MDGA2: variants seen among roughly 807,000 people sequenced by gnomAD.
MDGA2 encodes the protein MAM domain containing glycosylphosphatidylinositol anchor 2.
Under a neutral mutation model 117.8 loss-of-function variants are expected in MDGA2, and 40 were observed. The observed-to-expected ratio is 0.34, with a 90% CI of 0.26 to 0.44. The LOEUF is 0.44. Ranked by LOEUF, MDGA2 falls within the 20% of genes least tolerant of loss-of-function variation. The pLI, the probability that MDGA2 is intolerant of heterozygous loss-of-function variation, is 1.00. For synonymous variants in MDGA2, 452 were observed against 439.0 expected (o/e 1.03, Z -0.37); for missense variants, 1,123 against 1,250.6 (o/e 0.90, Z 1.54).
intron 1 of MDGA2, among the ~76,000 whole-genome samples, chr14:47,380,524 T>C (rs901147333): frequency 4.6e-5 from 7 of 151,458 alleles, no homozygotes; most frequent in Non-Finnish European, 5.9e-5. Context: ...TAAAAAAGGA[T>C]AAAGGGGATA....
chr14:46,974,185 CAT>C (rs1406037842), intron 8 of MDGA2, among the ~76,000 whole-genome samples: 1 of 152,024 alleles, frequency 6.6e-6, no homozygotes, highest in Non-Finnish European at 1.5e-5. Context: ...AATTAAAGGA[CAT>C]GTGCAATGGA....
intron 8 of MDGA2, among the ~76,000 whole-genome samples, chr14:47,008,406 A>C (rs1959821): frequency 0.96 from 145,433 of 151,950 alleles, 69,639 homozygotes; most frequent in African/African-American, 0.99. Context: ...ATCTGGCATA[A>C]GGCAGTAAGT....
At chr14:47,150,748 ACCTTGT>A (rs1883128670) in intron 3 of MDGA2, among the ~76,000 whole-genome samples, 2 of 152,034 alleles carry the variant, frequency 1.3e-5, no homozygotes, top group African/African-American at 2.4e-5. Context: ...ACATGGTGAA[ACCTTGT>A]CTCTACTAAA....
intron 1 of MDGA2, among the ~76,000 whole-genome samples, chr14:47,526,736 A>T (rs1894980817): frequency 6.6e-6 from 1 of 152,098 alleles, no homozygotes; most frequent in African/African-American, 2.4e-5. Context: ...GTCCTGATTT[A>T]CTTGGCAGCC....
At chr14:47,008,511 T>A (rs1044697574) in intron 8 of MDGA2, among the ~76,000 whole-genome samples, 1 of 151,926 alleles carries the variant, frequency 6.6e-6, no homozygotes, top group Admixed American at 6.6e-5. Flanking sequence ...AAGCATGATA[T>A]ATTTTACATT....
intron 2 of MDGA2, among the ~76,000 whole-genome samples, chr14:47,242,915 G>T (rs547906596): frequency 8.4e-4 from 128 of 151,958 alleles, no homozygotes; most frequent in African/African-American, 3.0e-3. Flanking sequence ...CCTGAGTCTG[G>T]TGGGGACGTG....
At chr14:46,868,354 T>G (rs1463507394) in intron 14 of MDGA2, among the ~76,000 whole-genome samples, 8 of 151,886 alleles carry the variant, frequency 5.3e-5, no homozygotes, top group African/African-American at 1.9e-4. Flanking sequence ...GGGGAGTACT[T>G]GAATATTTAC....
chr14:46,981,671 C>A (rs552699912), intron 8 of MDGA2, among the ~76,000 whole-genome samples: 1 of 152,106 alleles, frequency 6.6e-6, no homozygotes, highest in Non-Finnish European at 1.5e-5. Context: ...ACAAGAAGAG[C>A]GCATCACTGT....
chr14:47,570,931 C>T (rs559881851), intron 1 of MDGA2, among the ~76,000 whole-genome samples: 3 of 152,094 alleles, frequency 2.0e-5, no homozygotes, highest in African/African-American at 7.2e-5. Context: ...ACAGAGCTTC[C>T]GCACAGCAAA....
intron 8 of MDGA2, among the ~76,000 whole-genome samples, chr14:46,975,399 A>T (rs1886417319): frequency 6.6e-6 from 1 of 152,138 alleles, no homozygotes; most frequent in Non-Finnish European, 1.5e-5. Flanking sequence ...AGCCAGGTTC[A>T]TATCGGCATT....
chr14:47,450,722 A>G (rs1893224491), intron 1 of MDGA2, among the ~76,000 whole-genome samples: 2 of 152,064 alleles, frequency 1.3e-5, no homozygotes, highest in Admixed American at 6.6e-5. Context: ...GTATTAGTTA[A>G]TATGAATAAG....
At chr14:47,049,847 A>C (rs2138718518) in intron 7 of MDGA2, among the ~76,000 whole-genome samples, 1 of 152,060 alleles carries the variant, frequency 6.6e-6, no homozygotes, top group East Asian at 1.9e-4. Context: ...TTCTTTACCC[A>C]TCATATACTT....
intron 9 of MDGA2, among the ~76,000 whole-genome samples, chr14:46,934,065 G>A (rs1021897441): frequency 2.6e-5 from 4 of 151,500 alleles, no homozygotes; most frequent in Admixed American, 2.0e-4. Context: ...TTGCTGAAAC[G>A]ATAGTTTTTA....
At chr14:47,097,445 C>T (rs764677533) in intron 5 of MDGA2, among the ~76,000 whole-genome samples, 5 of 151,914 alleles carry the variant, frequency 3.3e-5, no homozygotes, top group Non-Finnish European at 7.4e-5. Flanking sequence ...TTTTTTAATG[C>T]TGACAATCAT....
chr14:46,933,843 T>C (rs1201499051), intron 9 of MDGA2, among the ~76,000 whole-genome samples: 1 of 82,010 alleles, frequency 1.2e-5, no homozygotes, highest in Non-Finnish European at 2.6e-5. Flanking sequence ...TATATATATA[T>C]ATATATATAC....
intron 1 of MDGA2, among the ~76,000 whole-genome samples, chr14:47,460,489 G>A (rs955127985): frequency 7.9e-5 from 12 of 152,078 alleles, no homozygotes; most frequent in African/African-American, 2.7e-4. Context: ...TTATTTAGAT[G>A]AGACACAGAG....
intron 14 of MDGA2, among the ~76,000 whole-genome samples, chr14:46,857,259 C>T (rs1354949699): frequency 6.6e-6 from 1 of 152,134 alleles, no homozygotes; most frequent in African/African-American, 2.4e-5. Context: ...AATCTGGCAC[C>T]CATGGCCCAA....
At chr14:47,360,402 A>C (rs544040170) in intron 1 of MDGA2, among the ~76,000 whole-genome samples, 2 of 136,064 alleles carry the variant, frequency 1.5e-5, no homozygotes, top group African/African-American at 5.2e-5. Context: ...AAATAAAATA[A>C]AAAATTAAAA....
chr14:47,188,710 G>A (rs577661252), intron 3 of MDGA2, among the ~76,000 whole-genome samples: 1 of 152,218 alleles, frequency 6.6e-6, no homozygotes, highest in East Asian at 1.9e-4. Flanking sequence ...AAAAATGTTT[G>A]TAGCAGTTAA....
Sources: gnomAD v4.1 joint callset for allele counts (sites outside exome capture counted in the v4.1 genomes callset) on GRCh38, gnomAD v4.1.1 for gene constraint, MANE v1.5 for transcripts, NCBI Gene and HGNC (gene_info 2026-07-23, HGNC 2026-07-21) for gene names.